The following NGEF variants were observed in gnomAD, a reference collection of about 807,000 sequenced individuals.
The protein encoded by NGEF is ephexin-1.
NGEF carries 31 observed loss-of-function variants against 80.9 expected under a neutral mutation model. The observed-to-expected ratio is 0.38, with a 90% CI of 0.29 to 0.52. The LOEUF (loss-of-function observed/expected upper bound fraction) is 0.52. Among genes scored for constraint, NGEF ranks in the 20% least tolerant of loss-of-function variants. The pLI is 0.84. For synonymous variants in NGEF, 371 were observed against 370.2 expected, an observed-to-expected ratio of 1.00 and a Z score of -0.03; for missense variants, 709 against 926.2, an observed-to-expected ratio of 0.77 and a Z score of 3.04.
At chr2:232,935,623 CA>C (rs916476098) in intron 3 of NGEF, among the ~76,000 whole-genome samples, 3 of 149,764 alleles carry the variant, frequency 2.0e-5, no homozygotes, top group African/African-American at 4.9e-5. Flanking sequence ...ATTTCAAAAA[CA>C]AAAAAAAAGA....
At chr2:233,010,937 C>A (rs1359140763) in intron 1 of NGEF, among the ~76,000 whole-genome samples, 1 of 152,094 alleles carries the variant, frequency 6.6e-6, no homozygotes, top group Non-Finnish European at 1.5e-5. Flanking sequence ...CAGCAGCCTC[C>A]TGAAGACACC....
intron 3 of NGEF, among the ~76,000 whole-genome samples, chr2:232,959,493 T>C (rs2176308): frequency 0.79 from 120,457 of 151,952 alleles, 48,342 homozygotes; most frequent in African/African-American, 0.92. Context: ...AGTGTGGAAA[T>C]GGGACATTGC....
rs1694772066 is a variant in NGEF, at chr2:232,995,197, GTATGTATA to G, written c.-75+17863_-75+17870del. ...GTGTACAGTATGTATGCTGTGTACA[GTATGTATA>G]CTGTATATGTGTACAGTATGTATGC... On this transcript the variant is annotated intron_variant, in intron 1 of 14. Transcript: ENST00000264051. Among the ~76,000 whole-genome samples, 2 of 71,220 alleles carry G rather than the reference GTATGTATA, an allele frequency of 2.8e-5. 1 individual carries two copies. Among genetic ancestry groups the G allele is most frequent in the Non-Finnish European group, 5.1e-5 (2 of 39,478 alleles). 46.7% of individuals were successfully genotyped at this position (71,220 alleles called of 152,430 possible).
At position 232,879,427 on chromosome 2, in the gene NGEF, C is replaced by A; in HGVS notation, c.*62G>T. ...TGGCCTGTGCTTCCCAGAGCCCCCC[C>A]CCCCCCACCTTCTGTCGGGGTCTCA... On this transcript the variant is annotated 3_prime_UTR_variant, in exon 15 of 15. Coordinates refer to ENST00000264051, the MANE Select transcript of NGEF (RefSeq NM_019850.3). The A allele has an allele frequency of 1.4e-6, 2 of 1,439,156 alleles. No individual in the cohort carries two copies. The highest frequency in any genetic ancestry group is 1.4e-5 in the South Asian group (1 of 73,736). The allele number at this position is 1,439,156 out of a possible 1,614,324, so 89.1% of individuals were successfully genotyped here. A position where few individuals can be genotyped will look rare whatever the true frequency, so the allele number is the denominator to read the frequency against.
chr2:232,992,180 A>T (rs1006690061), intron 1 of NGEF, among the ~76,000 whole-genome samples: 3 of 152,206 alleles, frequency 2.0e-5, no homozygotes, highest in African/African-American at 7.2e-5. Flanking sequence ...CCTACATATG[A>T]CACCAGCTGC....
At chr2:232,991,415 C>G (rs1157649614) in intron 1 of NGEF, among the ~76,000 whole-genome samples, 3 of 151,202 alleles carry the variant, frequency 2.0e-5, no homozygotes, top group Non-Finnish European at 4.4e-5. Context: ...AATACAAGAT[C>G]AATATACACA....
At chr2:233,009,639 A>C (rs149485078) in intron 1 of NGEF, among the ~76,000 whole-genome samples, 1,747 of 149,608 alleles carry the variant, frequency 0.012, 13 homozygotes, top group Non-Finnish European at 0.019. Flanking sequence ...TCTCTACAGA[A>C]AAAAAAAAAA....
At chr2:233,001,060 T>TC (rs1050281241) in intron 1 of NGEF, among the ~76,000 whole-genome samples, 1 of 151,886 alleles carries the variant, frequency 6.6e-6, no homozygotes, top group African/African-American at 2.4e-5. Flanking sequence ...GGAGGGGGCT[T>TC]CCCCCCATCC....
Position 232,927,103 on chromosome 2 carries a change from G to T in NGEF, c.467C>A (p.Ala156Asp), listed in dbSNP as rs552768986. Reference sequence around the variant, plus strand: ...GGGAATGGGGTGGATCATCCGCAGGGCCTCGGTGAGCGTGGTGGGGCTGTC... The same window carrying T: ...GGGAATGGGGTGGATCATCCGCAGGTCCTCGGTGAGCGTGGTGGGGCTGTC... ...LADSPTTLTE[A>D]LRMIHPIPAD... Residue 156 changes from alanine (A) to aspartate (D), a missense_variant, in exon 4 of 15, where the codon GCC (alanine) becomes GAC (aspartate). Ala to Asp is a moderately radical substitution (Grantham distance 126, BLOSUM62 -2). Around this residue, in one of 2 missense-constraint regions of NGEF, gnomAD observed 283 missense variants for 303.4 expected, o/e 0.93. Transcript: ENST00000264051. The T allele has an allele frequency of 6.2e-7, 1 of 1,613,688 alleles. No homozygotes were observed. Among genetic ancestry groups the T allele is most frequent in the Admixed American group, 1.7e-5 (1 of 60,014 alleles).
chr2:232,994,672 T>C (rs950502663), intron 1 of NGEF, among the ~76,000 whole-genome samples: 6 of 152,198 alleles, frequency 3.9e-5, no homozygotes, highest in African/African-American at 1.4e-4. Flanking sequence ...CTGAATGCAT[T>C]GGGCATGTGG....
chr2:232,915,018 A>G (rs1262340887), intron 5 of NGEF, among the ~76,000 whole-genome samples: 1 of 101,750 alleles, frequency 9.8e-6, no homozygotes, highest in African/African-American at 3.2e-5. Context: ...CTCCATCTCC[A>G]AAAAAAAAAA....
chr2:232,925,606 C>T (rs1693046799), intron 4 of NGEF, among the ~76,000 whole-genome samples: 1 of 152,168 alleles, frequency 6.6e-6, no homozygotes, highest in South Asian at 2.1e-4. Context: ...GACAGCTCCA[C>T]ACACCCACAG....
At chr2:232,919,913 C>T (rs1261008566) in intron 5 of NGEF, among the ~76,000 whole-genome samples, 1 of 152,176 alleles carries the variant, frequency 6.6e-6, no homozygotes, top group Non-Finnish European at 1.5e-5. Flanking sequence ...CCTCCGCCAA[C>T]CACAGATAAC....
At chr2:232,929,551 G>A (rs1389506621) in intron 3 of NGEF, among the ~76,000 whole-genome samples, 1 of 152,162 alleles carries the variant, frequency 6.6e-6, no homozygotes, top group African/African-American at 2.4e-5. Flanking sequence ...GAACGGGCAG[G>A]TCTGGTCTCT....
intron 12 of NGEF, among the ~76,000 whole-genome samples, chr2:232,883,033 G>C (rs1171729668): frequency 6.6e-6 from 1 of 151,212 alleles, no homozygotes; most frequent in Non-Finnish European, 1.5e-5. Context: ...GACTCGCCCA[G>C]AGTCTGAAGC....
At chr2:232,962,510 C>T (rs1693974039) in intron 3 of NGEF, among the ~76,000 whole-genome samples, 1 of 151,942 alleles carries the variant, frequency 6.6e-6, no homozygotes, top group Non-Finnish European at 1.5e-5. Context: ...GATGGCACCA[C>T]TGCACTCTAG....
At chr2:232,993,750 G>A (rs1361877592) in intron 1 of NGEF, among the ~76,000 whole-genome samples, 1 of 152,186 alleles carries the variant, frequency 6.6e-6, no homozygotes, top group African/African-American at 2.4e-5. Flanking sequence ...AGAAGAAATT[G>A]TTCATACACG....
At chr2:233,004,662 C>T (rs778932238) in intron 1 of NGEF, among the ~76,000 whole-genome samples, 13 of 152,276 alleles carry the variant, frequency 8.5e-5, no homozygotes, top group South Asian at 2.1e-4. Flanking sequence ...CTCCTGAAGG[C>T]GTTTAGGAAG....
chr2:232,908,867 A>AGTCAAAACCCAG (rs1692634538), intron 5 of NGEF, among the ~76,000 whole-genome samples: 1 of 152,000 alleles, frequency 6.6e-6, no homozygotes, highest in African/African-American at 2.4e-5. Context: ...ACAGCTTTCT[A>AGTCAAAACCCAG]ATTGACTGAA....
Sources: allele counts gnomAD v4.1 joint callset (sites outside exome capture counted in the v4.1 genomes callset), GRCh38; gene constraint gnomAD v4.1.1; regional missense constraint gnomAD v4.1.1; transcripts MANE v1.5; gene names NCBI Gene and HGNC (gene_info 2026-07-23, HGNC 2026-07-21).